The following ATP8B1 variants were observed in gnomAD, a reference collection of about 807,000 sequenced individuals.
ATP8B1 encodes phospholipid-transporting ATPase IC.
A neutral mutation model predicts 149.9 loss-of-function variants in ATP8B1; 80 were observed. The observed-to-expected ratio is 0.53, with a 90% confidence interval of 0.45 to 0.64. The LOEUF (loss-of-function observed/expected upper bound fraction) is 0.64. ATP8B1 is among the 30% of genes least tolerant of loss of function. The pLI is 0.00. For missense variants in ATP8B1, 1,247 were observed against 1,552.6 expected (o/e 0.80, Z 3.31); for synonymous variants, 536 against 562.8 (o/e 0.95, Z 0.67).
chr18:57,715,750 G>A (rs1054938856), intron 2 of ATP8B1, among the ~76,000 whole-genome samples: 5 of 152,042 alleles, frequency 3.3e-5, no homozygotes, highest in African/African-American at 9.7e-5. Flanking sequence ...ATATATTCAA[G>A]CATAAAGGAG....
chr18:57,689,200 C>G (rs1912407355), intron 12 of ATP8B1, among the ~76,000 whole-genome samples: 1 of 152,104 alleles, frequency 6.6e-6, no homozygotes, highest in South Asian at 2.1e-4. Flanking sequence ...TGACTCTTCC[C>G]CCATTCCCCA....
rs1909287703 is a variant in ATP8B1 at position 57,648,004 on chromosome 18, TA to T, written c.*483del. 4.4e-6 allele frequency: 1 copy of T among 229,554 alleles called. No homozygotes were observed. Among genetic ancestry groups the T allele is most frequent in the Non-Finnish European group, 8.8e-6 (1 of 114,172 alleles). The allele number at this position is 229,554 out of a possible 1,614,324, so 14.2% of individuals were successfully genotyped here. On this transcript the variant is annotated 3_prime_UTR_variant, in exon 28 of 28. Coordinates refer to ENST00000648908, the MANE Select transcript of ATP8B1 (RefSeq NM_001374385.1). ...GCCCGGCCTATTTTTAAATTTTTCT[TA>T]AGACAGAGTCTTGCTCTGTCACCCA...
intron 2 of ATP8B1, among the ~76,000 whole-genome samples, chr18:57,709,884 T>C (rs545592705): frequency 6.6e-6 from 1 of 152,250 alleles, no homozygotes; most frequent in East Asian, 1.9e-4. Flanking sequence ...TTCACCATAT[T>C]GATCAGGCTG....
At chr18:57,760,146 G>A (rs908756848) in intron 1 of ATP8B1, among the ~76,000 whole-genome samples, 20 of 151,978 alleles carry the variant, frequency 1.3e-4, no homozygotes, top group African/African-American at 4.1e-4. Context: ...TACAAAGATC[G>A]GGGGGAAAAA....
intron 1 of ATP8B1, chr18:57,741,082 G>A (rs1850543): frequency 0.46 from 70,173 of 151,662 alleles, 17,235 homozygotes; most frequent in Non-Finnish European, 0.56. Flanking sequence ...GATTACAGGC[G>A]TGCACCACCA....
intron 2 of ATP8B1, among the ~76,000 whole-genome samples, chr18:57,718,285 T>A (rs1440535462): frequency 6.6e-6 from 1 of 151,812 alleles, no homozygotes; most frequent in Non-Finnish European, 1.5e-5. Flanking sequence ...CCTAGATACA[T>A]AAAACCTACC....
intron 1 of ATP8B1, among the ~76,000 whole-genome samples, chr18:57,775,153 A>G (rs1015901989): frequency 2.6e-5 from 4 of 152,152 alleles, no homozygotes; most frequent in Non-Finnish European, 4.4e-5. Flanking sequence ...CGTCTCTACA[A>G]AAAGTACAAA....
At chr18:57,669,162 G>T in intron 18 of ATP8B1, 156 bp downstream of exon 18, 1 of 736,526 alleles carries the variant, frequency 1.4e-6, no homozygotes, top group Non-Finnish European at 2.1e-6. Flanking sequence ...TCCTATTTTG[G>T]TGAATAAAAG....
chr18:57,653,042 G>T (rs1909732810), intron 24 of ATP8B1, among the ~76,000 whole-genome samples: 1 of 152,122 alleles, frequency 6.6e-6, no homozygotes, highest in Admixed American at 6.5e-5. Flanking sequence ...TACCTCCTGA[G>T]TGAATATATA....
At chr18:57,775,714 A>C (rs1313539121) in intron 1 of ATP8B1, among the ~76,000 whole-genome samples, 1 of 145,054 alleles carries the variant, frequency 6.9e-6, no homozygotes, top group African/African-American at 2.6e-5. Context: ...GTGCATTCTC[A>C]GCTCACTGCA....
chr18:57,690,467 A>G (rs1912477295), intron 12 of ATP8B1, among the ~76,000 whole-genome samples: 1 of 152,190 alleles, frequency 6.6e-6, no homozygotes, highest in Admixed American at 6.5e-5. Context: ...AAGAAATCGT[A>G]TTTGTCACAT....
intron 27 of ATP8B1, 111 bp downstream of exon 27, chr18:57,650,256 T>C (rs986801038): frequency 3.6e-6 from 5 of 1,386,982 alleles, no homozygotes; most frequent in Admixed American, 1.8e-5. Flanking sequence ...TCATGAAAAA[T>C]CATTCTTACC....
intron 1 of ATP8B1, among the ~76,000 whole-genome samples, chr18:57,768,729 A>G (rs938822874): frequency 2.0e-5 from 3 of 152,202 alleles, no homozygotes; most frequent in African/African-American, 7.2e-5. Context: ...TTGCATGCCA[A>G]GTTGGTAACA....
chr18:57,671,577 C>T lies in ATP8B1; in HGVS notation c.1823G>A (p.Arg608Lys). 2 of 1,605,662 alleles carry T rather than the reference C, an allele frequency of 1.2e-6. No individual in the cohort carries two copies. The highest frequency in any genetic ancestry group is 1.3e-5 in the African/African-American group (1 of 74,846). ...SDRKRMSIIV[R>K]TPEGNIKLYC... ...AAGCTTGATATTGCCTTCTGGGGTT[C>T]TTACTGGTAGTAAAAGAAGGAAATA... The change falls in exon 17 of 28, where the codon AGA becomes AAA. Residue 608 changes from arginine to lysine, a missense_variant. Coordinates refer to ENST00000648908, the MANE Select transcript of ATP8B1 (RefSeq NM_001374385.1).
At chr18:57,765,392 G>A (rs964939051) in intron 1 of ATP8B1, among the ~76,000 whole-genome samples, 3 of 152,172 alleles carry the variant, frequency 2.0e-5, no homozygotes, top group Non-Finnish European at 4.4e-5. Flanking sequence ...TGGTTGGGTC[G>A]GGTGCAGTGG....
intron 1 of ATP8B1, among the ~76,000 whole-genome samples, chr18:57,759,069 T>G (rs1239234736): frequency 1.4e-5 from 2 of 146,588 alleles, no homozygotes; most frequent in Non-Finnish European, 3.0e-5. Context: ...GGCAGGAGAA[T>G]CGCTTGAACC....
At chr18:57,767,100 C>T (rs7237980) in intron 1 of ATP8B1, among the ~76,000 whole-genome samples, 20 of 151,876 alleles carry the variant, frequency 1.3e-4, no homozygotes, top group Admixed American at 3.3e-4. Context: ...TCAAAAAGGA[C>T]GTTGGAATCC....
intron 1 of ATP8B1, among the ~76,000 whole-genome samples, chr18:57,744,980 C>T (rs185698573): frequency 7.4e-4 from 113 of 152,268 alleles, no homozygotes; most frequent in African/African-American, 2.7e-3. Context: ...ATAATAAACA[C>T]ATAAAATGAT....
intron 2 of ATP8B1, among the ~76,000 whole-genome samples, chr18:57,727,758 G>C (rs1427149652): frequency 6.6e-6 from 1 of 152,180 alleles, no homozygotes; most frequent in Non-Finnish European, 1.5e-5. Flanking sequence ...CTGCTCTCCA[G>C]TCTGGGCGAC....
Sources: allele counts gnomAD v4.1 joint callset (sites outside exome capture counted in the v4.1 genomes callset), GRCh38; gene constraint gnomAD v4.1.1; transcripts MANE v1.5; gene names NCBI Gene and HGNC (gene_info 2026-07-23, HGNC 2026-07-21).